The following SLC17A5 variants were observed in gnomAD, a reference collection of about 807,000 sequenced individuals.
SLC17A5 encodes the protein solute carrier family 17 member 5, also known as sialin.
In SLC17A5, 47 loss-of-function variants were observed where a neutral mutation model predicts 59.4. That is an observed-to-expected ratio of 0.79 (90% CI 0.63 to 1.01). SLC17A5 has a LOEUF of 1.01. Among genes scored for constraint, SLC17A5 ranks in the 50% least tolerant of loss-of-function variants. The probability of loss-of-function intolerance (pLI) is 0.00; values close to 1 mark genes in which losing one functional copy is unlikely to be tolerated. For missense variants in SLC17A5, 522 were observed against 595.5 expected, an observed-to-expected ratio of 0.88 and a Z score of 1.28; for synonymous variants, 202 against 210.7, an observed-to-expected ratio of 0.96 and a Z score of 0.36.
At chr6:73,610,943 A>G (rs1767614904) in intron 8 of SLC17A5, among the ~76,000 whole-genome samples, 1 of 152,246 alleles carries the variant, frequency 6.6e-6, no homozygotes, top group South Asian at 2.1e-4. Context: ...GGATGAGGTT[A>G]GAATAATACT....
intron 1 of SLC17A5, among the ~76,000 whole-genome samples, chr6:73,651,528 G>GTAT (rs1769868811): frequency 6.8e-6 from 1 of 147,778 alleles, no homozygotes; most frequent in Non-Finnish European, 1.5e-5. Context: ...TATTTTGTAA[G>GTAT]TATTATTATT....
intron 9 of SLC17A5, among the ~76,000 whole-genome samples, chr6:73,609,763 C>G (rs1741893): frequency 0.11 from 16,361 of 152,236 alleles, 1,060 homozygotes; most frequent in Middle Eastern, 0.18. Context: ...AAACAACTTC[C>G]TGCTTTAATT....
chr6:73,618,501 A>T (rs1767980938), intron 7 of SLC17A5: 1 of 502,770 alleles, frequency 2.0e-6, no homozygotes, highest in Non-Finnish European at 3.7e-6. Flanking sequence ...CACAAACAGT[A>T]GTTTTGTGTG....
At chr6:73,597,421 C>G (rs899471007) in intron 10 of SLC17A5, among the ~76,000 whole-genome samples, 1 of 151,760 alleles carries the variant, frequency 6.6e-6, no homozygotes. Flanking sequence ...GAGCCAAGAT[C>G]GTGCCACTGC....
intron 1 of SLC17A5, 64 bp downstream of exon 1, chr6:73,653,729 C>T: frequency 2.0e-6 from 3 of 1,465,400 alleles, no homozygotes; most frequent in Non-Finnish European, 2.8e-6. Flanking sequence ...GCCATGCCGG[C>T]CCAGAGACCG....
chr6:73,597,391 C>T (rs1266956417), intron 10 of SLC17A5, among the ~76,000 whole-genome samples: 8 of 149,976 alleles, frequency 5.3e-5, no homozygotes, highest in Non-Finnish European at 8.9e-5. Flanking sequence ...GGCGTGAACC[C>T]GGGAGGCGGA....
In SLC17A5 at chr6:73,644,459, G is replaced by C. The variant is rs1329271035; in HGVS notation, c.239C>G (p.Ser80Cys). The C allele has an allele frequency of 4.3e-6, 7 of 1,614,008 alleles. No individual in the cohort carries two copies. The highest frequency in any genetic ancestry group is 1.1e-5 in the South Asian group (1 of 91,068). The change falls in exon 2 of 11, where the codon TCC (serine) becomes TGC (cysteine). Residue 80 changes from serine to cysteine, a missense_variant. Coordinates refer to ENST00000355773, the MANE Select transcript of SLC17A5 (RefSeq NM_012434.5). ...AGCAGAATGCTCTGGACACGCCTTG[G>C]AAGTTCTATTATCTTCTAAAGTTGT... ...SNTTLEDNRT[S>C]KACPEHSAPI...
chr6:73,641,142 C>T (rs10943117), intron 3 of SLC17A5, among the ~76,000 whole-genome samples: 32,794 of 151,874 alleles, frequency 0.22, 3,728 homozygotes, highest in Non-Finnish European at 0.25. Flanking sequence ...TGCAGTGGCG[C>T]GATCTTGGCT....
intron 1 of SLC17A5, among the ~76,000 whole-genome samples, chr6:73,649,687 T>C (rs1769754314): frequency 6.6e-6 from 1 of 152,176 alleles, no homozygotes; most frequent in Non-Finnish European, 1.5e-5. Context: ...ATTATAAGGA[T>C]TCACTGAGTT....
intron 9 of SLC17A5, among the ~76,000 whole-genome samples, chr6:73,601,636 T>TG (rs1187994559): frequency 2.9e-3 from 100 of 34,522 alleles, no homozygotes; most frequent in African/African-American, 6.4e-3. Flanking sequence ...GGGAGGGAGG[T>TG]GGGGGGGGGT....
intron 1 of SLC17A5, among the ~76,000 whole-genome samples, chr6:73,651,349 T>C (rs1249878355): frequency 2.0e-5 from 3 of 147,408 alleles, no homozygotes; most frequent in Non-Finnish European, 3.0e-5. Flanking sequence ...TAATCCCAGC[T>C]ACTCGGGAGG....
intron 10 of SLC17A5, among the ~76,000 whole-genome samples, chr6:73,597,550 C>T (rs1766872685): frequency 1.3e-5 from 2 of 151,952 alleles, no homozygotes; most frequent in Non-Finnish European, 2.9e-5. Context: ...TTTGGGAGGC[C>T]GAGGTAGGTG....
chr6:73,594,903 C>G lies in SLC17A5; in HGVS notation c.*174G>C, dbSNP rs575300701. On this transcript the variant is annotated 3_prime_UTR_variant, in exon 11 of 11. Coordinates refer to ENST00000355773, the MANE Select transcript of SLC17A5 (RefSeq NM_012434.5). Reference sequence around the variant, plus strand: ...CTTACATATTATTCATAATTAAACACAGTTCATTTTATTATTCTGGCAACT... The same window carrying G: ...CTTACATATTATTCATAATTAAACAGAGTTCATTTTATTATTCTGGCAACT... 1.3e-4 allele frequency: 88 copies of G among 696,516 alleles called. 1 individual carries two copies. In the African/African-American group the frequency reaches 1.5e-3, roughly 12 times the overall value. 43.1% of individuals were successfully genotyped at this position (696,516 alleles called of 1,614,324 possible). A position where few individuals can be genotyped will look rare whatever the true frequency, so the allele number is the denominator to read the frequency against.
In SLC17A5 at chr6:73,600,368, T is replaced by C. The variant is rs751011039; in HGVS notation, c.1333A>G (p.Lys445Glu). 8 of 1,613,964 alleles carry C rather than the reference T, an allele frequency of 5.0e-6. No individual in the cohort carries two copies. In the Admixed American group the frequency reaches 1.0e-4, roughly 20 times the overall value. Reference protein sequence around the residue: ...IPGMVGPVIAKSLTPDNTVGE... With the variant: ...IPGMVGPVIAESLTPDNTVGE... The stretch of plus-strand genomic sequence containing the variant: ...CTACTTACATCAGGGGTCAGACTTT[T>C]AGCAATGACGGGCCCAACCATTCCT... Residue 445 changes from lysine (K) to glutamate (E), a missense_variant, in exon 10 of 11, where the codon AAA (lysine) becomes GAA (glutamate). Physicochemically the swap from Lys to Glu is moderately conservative, Grantham distance 56. Coordinates refer to ENST00000355773, the MANE Select transcript of SLC17A5 (RefSeq NM_012434.5).
chr6:73,650,131 C>A (rs145058681), intron 1 of SLC17A5, among the ~76,000 whole-genome samples: 1,811 of 146,512 alleles, frequency 0.012, 35 homozygotes, highest in African/African-American at 0.042. Context: ...GAGGCTGACG[C>A]AGGAGGATCA....
chr6:73,651,951 C>T (rs1254058655), intron 1 of SLC17A5, among the ~76,000 whole-genome samples: 1 of 151,918 alleles, frequency 6.6e-6, no homozygotes, highest in Non-Finnish European at 1.5e-5. Context: ...CTTCAAAATA[C>T]ACAGTATGTA....
At chr6:73,630,157 TA>T (rs1768630789) in intron 6 of SLC17A5, among the ~76,000 whole-genome samples, 2 of 152,036 alleles carry the variant, frequency 1.3e-5, no homozygotes, top group Admixed American at 6.6e-5. Flanking sequence ...GACGCCTGGC[TA>T]ATTTTTGTAT....
chr6:73,608,009 T>G (rs477820), intron 9 of SLC17A5, among the ~76,000 whole-genome samples: 16,311 of 152,064 alleles, frequency 0.11, 1,046 homozygotes, highest in Middle Eastern at 0.18. Flanking sequence ...ACTCCTGACC[T>G]CAGGTGATCC....
chr6:73,615,515 A>C (rs1581966046), intron 7 of SLC17A5, 68 bp from the exon 8 acceptor site: 236 of 1,491,472 alleles, frequency 1.6e-4, no homozygotes, highest in Middle Eastern at 2.0e-4. Flanking sequence ...CACATTCATC[A>C]CAGCCAATGA....
Sources: gnomAD v4.1 joint callset for allele counts (sites outside exome capture counted in the v4.1 genomes callset) on GRCh38, gnomAD v4.1.1 for gene constraint, MANE v1.5 for transcripts, NCBI Gene and HGNC (gene_info 2026-07-23, HGNC 2026-07-21) for gene names.